LRBA: variants seen among roughly 807,000 people sequenced by gnomAD.
LRBA encodes the protein LPS responsive beige-like anchor protein, also known as lipopolysaccharide-responsive and beige-like anchor protein.
Under a neutral mutation model 330.0 loss-of-function variants are expected in LRBA, and 176 were observed. That is an observed-to-expected ratio of 0.53 (90% CI 0.47 to 0.60). The LOEUF (loss-of-function observed/expected upper bound fraction) is 0.60. Ranked by LOEUF, LRBA falls within the 20% of genes least tolerant of loss-of-function variation. LRBA has a pLI of 0.00. For missense variants in LRBA, 3,259 were observed against 3,444.8 expected, an observed-to-expected ratio of 0.95 and a Z score of 1.35; for synonymous variants, 1,230 against 1,193.0, an observed-to-expected ratio of 1.03 and a Z score of -0.64.
At chr4:150,312,845 C>T (rs1321141552) in intron 51 of LRBA, among the ~76,000 whole-genome samples, 1 of 152,022 alleles carries the variant, frequency 6.6e-6, no homozygotes, top group Non-Finnish European at 1.5e-5. Flanking sequence ...AAGCTCTTTC[C>T]CATCTATTTT....
intron 2 of LRBA, among the ~76,000 whole-genome samples, chr4:150,934,334 G>A (rs1192763092): frequency 6.6e-6 from 1 of 152,116 alleles, no homozygotes. Context: ...CTAGCTATTG[G>A]CCTTCATAGA....
intron 13 of LRBA, among the ~76,000 whole-genome samples, chr4:150,905,011 A>G (rs1011298658): frequency 2.6e-4 from 39 of 152,198 alleles, no homozygotes; most frequent in African/African-American, 8.2e-4. Flanking sequence ...AAAATTGTAG[A>G]TAAGACGGAT....
At chr4:150,616,454 G>C (rs533556789) in intron 37 of LRBA, among the ~76,000 whole-genome samples, 1 of 152,102 alleles carries the variant, frequency 6.6e-6, no homozygotes, top group African/African-American at 2.4e-5. Context: ...CAGTGTCCCA[G>C]AAACCAAATG....
At chr4:150,512,552 T>C (rs1452820522) in intron 40 of LRBA, among the ~76,000 whole-genome samples, 2 of 151,980 alleles carry the variant, frequency 1.3e-5, no homozygotes. Context: ...AAGGATAGAA[T>C]CAGGAGTCAG....
chr4:150,745,688 G>T (rs1323428108), intron 35 of LRBA, among the ~76,000 whole-genome samples: 1 of 151,952 alleles, frequency 6.6e-6, no homozygotes, highest in East Asian at 1.9e-4. Context: ...GCTAATTTTT[G>T]TATCTTTAGT....
chr4:150,345,569 G>C (rs1483440508), intron 48 of LRBA, among the ~76,000 whole-genome samples: 2 of 152,180 alleles, frequency 1.3e-5, no homozygotes, highest in Admixed American at 6.5e-5. Context: ...CACCATGCCA[G>C]GCGGTTTACA....
In LRBA at chr4:150,714,389, C is replaced by T. The variant is rs72738306; in HGVS notation, c.5754+20869G>A. Among the ~76,000 whole-genome samples the T allele has an allele frequency of 1.7e-3, 254 of 152,014 alleles. 1 individual carries two copies. Among genetic ancestry groups the T allele is most frequent in the Admixed American group, 3.5e-3 (54 of 15,242 alleles). On this transcript the variant is annotated intron_variant, in intron 36 of 56. Coordinates refer to ENST00000651943, the MANE Select transcript of LRBA (RefSeq NM_001364905.1). ...TAAATTTTTTATTATCTAGTTTTAACGATGTTTACAATTAGCAAAACAAAC... is the reference window on the plus strand; with the variant it reads ...TAAATTTTTTATTATCTAGTTTTAATGATGTTTACAATTAGCAAAACAAAC...
intron 16 of LRBA, among the ~76,000 whole-genome samples, chr4:150,894,346 T>C (rs1201671664): frequency 6.6e-6 from 1 of 152,210 alleles, no homozygotes; most frequent in Non-Finnish European, 1.5e-5. Flanking sequence ...CTATTGTCCC[T>C]ATAAAGATAA....
chr4:150,773,201 C>A lies in LRBA; in HGVS notation c.5581-11354G>T, dbSNP rs192766500. 1.2e-4 allele frequency among the ~76,000 whole-genome samples: 18 copies of A among 152,110 alleles called. No individual in the cohort carries two copies. In the South Asian group the frequency reaches 3.7e-3, roughly 32 times the overall value. On this transcript the variant is annotated intron_variant, in intron 34 of 56. Coordinates refer to ENST00000651943, the MANE Select transcript of LRBA (RefSeq NM_001364905.1). ...AGCATAATGTCATCAATGTAATGGA[C>A]GACTGTGATTTCTCTGTGGAAGTGA... is the stretch of plus-strand genomic sequence containing the variant.
intron 35 of LRBA, among the ~76,000 whole-genome samples, chr4:150,759,051 G>A (rs1560778431): frequency 6.6e-6 from 1 of 151,592 alleles, no homozygotes; most frequent in East Asian, 2.0e-4. Context: ...CAAGTAGCTG[G>A]TACTATAGGC....
At chr4:150,385,085 A>T (rs939956393) in intron 47 of LRBA, among the ~76,000 whole-genome samples, 3 of 152,236 alleles carry the variant, frequency 2.0e-5, no homozygotes, top group African/African-American at 7.2e-5. Context: ...ATTCAGAGAA[A>T]GTTAGTTTGA....
intron 34 of LRBA, among the ~76,000 whole-genome samples, chr4:150,787,564 G>T (rs1230680753): frequency 6.6e-6 from 1 of 151,776 alleles, no homozygotes; most frequent in African/African-American, 2.4e-5. Flanking sequence ...TATATTTATG[G>T]GGTACATGAG....
intron 40 of LRBA, among the ~76,000 whole-genome samples, chr4:150,492,531 T>C (rs1000176323): frequency 3.9e-5 from 6 of 152,194 alleles, no homozygotes; most frequent in Non-Finnish European, 8.8e-5. Context: ...AGTTGGTCTA[T>C]GGCCCCAAGG....
intron 18 of LRBA, among the ~76,000 whole-genome samples, chr4:150,871,769 C>T (rs1388611140): frequency 6.6e-6 from 1 of 152,018 alleles, no homozygotes; most frequent in African/African-American, 2.4e-5. Context: ...CTACAATCTA[C>T]CAGCACTAAC....
At chr4:150,605,246 T>C (rs1485158660) in intron 37 of LRBA, among the ~76,000 whole-genome samples, 1 of 152,228 alleles carries the variant, frequency 6.6e-6, no homozygotes, top group East Asian at 1.9e-4. Context: ...AATGTATTCA[T>C]GTCTATCATC....
At position 150,423,038 on chromosome 4, in the gene LRBA, A is replaced by G. The variant is rs538654028; in HGVS notation, c.7042-7448T>C. On this transcript the variant is annotated intron_variant, in intron 46 of 56. Transcript: ENST00000651943. ...CCTAGAGCTTCCAAGGCTTGTCCTCAATGGAACTTCTCAGACAGGATGTCA... is the reference window on the plus strand; with the variant it reads ...CCTAGAGCTTCCAAGGCTTGTCCTCGATGGAACTTCTCAGACAGGATGTCA... 4.1e-4 allele frequency: 325 copies of G among 789,286 alleles called. 6 individuals are homozygous for G. The South Asian group carries it at 4.2e-3, about 10-fold the overall frequency. The allele number at this position is 789,286 out of a possible 1,614,324, so 48.9% of individuals were successfully genotyped here.
chr4:150,622,768 G>T (rs1776435554), intron 37 of LRBA, among the ~76,000 whole-genome samples: 2 of 145,442 alleles, frequency 1.4e-5, no homozygotes, highest in African/African-American at 5.2e-5. Context: ...CACTATCTCG[G>T]CTCACTGCAA....
intron 37 of LRBA, among the ~76,000 whole-genome samples, chr4:150,599,987 AG>A (rs941061813): frequency 3.0e-4 from 46 of 152,156 alleles, no homozygotes; most frequent in African/African-American, 1.1e-3. Flanking sequence ...TTTTAAAAAA[AG>A]GTTTGCTCAT....
intron 46 of LRBA, among the ~76,000 whole-genome samples, chr4:150,417,250 T>C (rs568406272): frequency 6.6e-6 from 1 of 152,300 alleles, no homozygotes; most frequent in Admixed American, 6.5e-5. Context: ...GCAATTGTTA[T>C]ATAAATAATT....
Sources: gnomAD v4.1 joint callset for allele counts (sites outside exome capture counted in the v4.1 genomes callset) on GRCh38, gnomAD v4.1.1 for gene constraint, MANE v1.5 for transcripts, NCBI Gene and HGNC (gene_info 2026-07-23, HGNC 2026-07-21) for gene names.